Variants in MAGI1 observed in about 807,000 individuals in gnomAD.
The protein encoded by MAGI1 is membrane associated guanylate kinase, WW and PDZ domain containing 1.
A neutral mutation model predicts 139.9 loss-of-function variants in MAGI1; 58 were observed. That is an observed-to-expected ratio of 0.41 (90% CI 0.34 to 0.52). The LOEUF (loss-of-function observed/expected upper bound fraction) is 0.52, where lower values mean the gene tolerates loss of function less well. Among genes scored for constraint, MAGI1 ranks in the 20% least tolerant of loss-of-function variants. The pLI, the probability that MAGI1 is intolerant of heterozygous loss-of-function variation, is 0.12. For missense variants in MAGI1, 1,874 were observed against 1,901.6 expected (o/e 0.99, Z 0.27); for synonymous variants, 812 against 737.9 (o/e 1.10, Z -1.63).
intron 1 of MAGI1, among the ~76,000 whole-genome samples, chr3:65,832,753 C>T (rs1345634209): frequency 6.6e-6 from 1 of 152,104 alleles, no homozygotes; most frequent in Admixed American, 6.5e-5. Flanking sequence ...AAATGACTAC[C>T]CATCAGGCAA....
At chr3:65,475,318 A>C (rs1950830230) in intron 4 of MAGI1, among the ~76,000 whole-genome samples, 1 of 152,054 alleles carries the variant, frequency 6.6e-6, no homozygotes, top group Admixed American at 6.6e-5. Context: ...GGTTCAAGTG[A>C]TTCTCCTGCC....
At chr3:66,002,881 T>C (rs2066821135) in intron 1 of MAGI1, among the ~76,000 whole-genome samples, 1 of 152,110 alleles carries the variant, frequency 6.6e-6, no homozygotes, top group South Asian at 2.1e-4. Flanking sequence ...TATTTTCAGG[T>C]ACAACAAGCA....
chr3:65,940,382 AG>A (rs1274148182), intron 1 of MAGI1, among the ~76,000 whole-genome samples: 1 of 152,234 alleles, frequency 6.6e-6, no homozygotes, highest in Non-Finnish European at 1.5e-5. Flanking sequence ...GTCTAAGATC[AG>A]GGTTCCAGCA....
intron 2 of MAGI1, among the ~76,000 whole-genome samples, chr3:65,509,364 G>C (rs543245102): frequency 6.6e-6 from 1 of 152,284 alleles, no homozygotes; most frequent in East Asian, 1.9e-4. Flanking sequence ...CGCAGAAGAC[G>C]GGTGATTTCT....
intron 1 of MAGI1, among the ~76,000 whole-genome samples, chr3:65,866,498 C>T (rs564868435): frequency 7.2e-4 from 110 of 152,090 alleles, no homozygotes; most frequent in African/African-American, 2.6e-3. Context: ...AGGCCTTGAA[C>T]GACTATTCAT....
At chr3:65,785,430 A>G (rs2039304629) in intron 1 of MAGI1, among the ~76,000 whole-genome samples, 2 of 152,198 alleles carry the variant, frequency 1.3e-5, no homozygotes, top group Non-Finnish European at 2.9e-5. Flanking sequence ...TTGAAAAATC[A>G]TGACTTATAC....
chr3:65,597,249 C>A (rs2082253413), intron 2 of MAGI1, among the ~76,000 whole-genome samples: 1 of 150,958 alleles, frequency 6.6e-6, no homozygotes, highest in African/African-American at 2.4e-5. Flanking sequence ...ACTCATTTCG[C>A]CGGCCCCCTC....
At chr3:65,475,158 G>T (rs553301997) in intron 4 of MAGI1, among the ~76,000 whole-genome samples, 1 of 151,948 alleles carries the variant, frequency 6.6e-6, no homozygotes. Flanking sequence ...TCTCTCAGAG[G>T]TGTTCATGAA....
At chr3:65,521,227 C>T (rs192632480) in intron 2 of MAGI1, among the ~76,000 whole-genome samples, 61 of 151,654 alleles carry the variant, frequency 4.0e-4, no homozygotes, top group East Asian at 2.3e-3. Context: ...ACAGAGATTA[C>T]GCTGAATAGA....
chr3:65,538,112 G>A (rs1280110533), intron 2 of MAGI1, among the ~76,000 whole-genome samples: 2 of 152,160 alleles, frequency 1.3e-5, no homozygotes, highest in African/African-American at 4.8e-5. Flanking sequence ...TCCAGCCTGG[G>A]CAACAAGAGC....
intron 1 of MAGI1, among the ~76,000 whole-genome samples, chr3:66,012,433 CA>C (rs373817236): frequency 0.011 from 1,631 of 146,396 alleles, 23 homozygotes; most frequent in African/African-American, 0.038. Flanking sequence ...TACCTTGAAA[CA>C]AAAAAAAAAT....
chr3:65,771,585 C>G (rs1359487813), intron 1 of MAGI1, among the ~76,000 whole-genome samples: 2 of 152,116 alleles, frequency 1.3e-5, no homozygotes, highest in Non-Finnish European at 2.9e-5. Flanking sequence ...AAGGTATAAC[C>G]AGCCTTCTCC....
chr3:65,944,231 C>T (rs1277318058), intron 1 of MAGI1, among the ~76,000 whole-genome samples: 2 of 152,092 alleles, frequency 1.3e-5, no homozygotes, highest in East Asian at 3.9e-4. Flanking sequence ...ATTGAAAGTG[C>T]TCAGCTAGGT....
chr3:65,759,355 T>C (rs1349727479), intron 1 of MAGI1, among the ~76,000 whole-genome samples: 1 of 152,170 alleles, frequency 6.6e-6, no homozygotes, highest in Non-Finnish European at 1.5e-5. Flanking sequence ...GGATGTGTTG[T>C]GAGGAATAGA....
Position 65,581,074 on chromosome 3 carries a change from A to C in MAGI1, c.430+40898T>G, listed in dbSNP as rs565448353. ...CATACCACCCATCAAAAATATCTAC[A>C]CACCCTGTGCCAGCTCCCATCACCA... On this transcript the variant is annotated intron_variant, in intron 2 of 22. Coordinates refer to ENST00000402939, the MANE Select transcript of MAGI1 (RefSeq NM_001033057.2). Among the ~76,000 whole-genome samples, 819 of 152,142 alleles carry C rather than the reference A, an allele frequency of 5.4e-3. 5 individuals carry two copies. The highest frequency in any genetic ancestry group is 8.5e-3 in the Non-Finnish European group (575 of 67,980).
At chr3:65,469,955 T>G (rs542237219) in intron 5 of MAGI1, 1 of 147,890 alleles carries the variant, frequency 6.8e-6, no homozygotes, top group Non-Finnish European at 1.5e-5. Flanking sequence ...TAAATATTTA[T>G]TAAAATATTT....
At chr3:65,556,105 G>C (rs528543984) in intron 2 of MAGI1, among the ~76,000 whole-genome samples, 7 of 152,274 alleles carry the variant, frequency 4.6e-5, no homozygotes, top group Non-Finnish European at 8.8e-5. Context: ...TAGCGGAACA[G>C]AGAAATAGAG....
chr3:65,878,971 C>T (rs1374388296), intron 1 of MAGI1, among the ~76,000 whole-genome samples: 1 of 152,196 alleles, frequency 6.6e-6, no homozygotes, highest in Non-Finnish European at 1.5e-5. Context: ...CTTCCTTTCA[C>T]CTGCCCCTGC....
In MAGI1 at chr3:65,541,053, T is replaced by C. The variant is rs548665967; in HGVS notation, c.431-47422A>G. Among the ~76,000 whole-genome samples, 6 of 152,272 alleles carry C rather than the reference T, an allele frequency of 3.9e-5. No individual in the cohort carries two copies. The East Asian group carries it at 9.6e-4, about 24-fold the overall frequency. On this transcript the variant is annotated intron_variant, in intron 2 of 22. Transcript: ENST00000402939. ...AGATATATTCTTTCCAAGGGAAATC[T>C]ATCCTAAAGAAAAAAACTGAAATCT... is the stretch of plus-strand genomic sequence containing the variant.
Sources: gnomAD v4.1 joint callset for allele counts (sites outside exome capture counted in the v4.1 genomes callset) on GRCh38, gnomAD v4.1.1 for gene constraint, MANE v1.5 for transcripts, NCBI Gene and HGNC (gene_info 2026-07-23, HGNC 2026-07-21) for gene names.